The following FAM107B variants were observed in gnomAD, a reference collection of about 807,000 sequenced individuals.
FAM107B encodes protein FAM107B.
In FAM107B, 21 loss-of-function variants were observed where a neutral mutation model predicts 31.5. The ratio of observed to expected loss-of-function variants is 0.67; its 90% CI spans 0.47 to 0.96. The LOEUF is 0.96. Among genes scored for constraint, FAM107B ranks in the 40% least tolerant of loss-of-function variants. The probability of loss-of-function intolerance (pLI) is 0.00; values close to 1 mark genes in which losing one functional copy is unlikely to be tolerated. For missense variants in FAM107B, 452 were observed against 377.1 expected (o/e 1.20, Z -1.64); for synonymous variants, 157 against 141.5 (o/e 1.11, Z -0.78).
intron 1 of FAM107B, among the ~76,000 whole-genome samples, chr10:14,695,125 A>T (rs1325966388): frequency 1.3e-5 from 2 of 152,168 alleles, no homozygotes; most frequent in African/African-American, 4.8e-5. Context: ...GGAATTTTAC[A>T]GTTCCAGGTC....
rs1313642435 is a variant in FAM107B at position 14,629,345 on chromosome 10, TTA to T, written c.469+38287_469+38288del. On this transcript the variant is annotated intron_variant, in intron 2 of 4. Coordinates refer to ENST00000181796, the MANE Select transcript of FAM107B (RefSeq NM_031453.4). ...TATAAATTATATAAATATATGTAAT[TTA>T]TATATATAATATATATTATATATTT... Among the ~76,000 whole-genome samples, 761 of 104,056 alleles carry T rather than the reference TTA, an allele frequency of 7.3e-3. 1 individual carries two copies. Among genetic ancestry groups the T allele is most frequent in the Non-Finnish European group, 9.9e-3 (543 of 54,576 alleles). 68.3% of individuals were successfully genotyped at this position (104,056 alleles called of 152,430 possible).
intron 1 of FAM107B, among the ~76,000 whole-genome samples, chr10:14,773,893 G>C (rs1367621564): frequency 6.6e-6 from 1 of 152,076 alleles, no homozygotes; most frequent in Non-Finnish European, 1.5e-5. Flanking sequence ...TAAATTGACA[G>C]ACCGGTGGGG....
intron 1 of FAM107B, among the ~76,000 whole-genome samples, chr10:14,761,083 A>C (rs1833037400): frequency 6.6e-6 from 1 of 151,998 alleles, no homozygotes; most frequent in African/African-American, 2.4e-5. Flanking sequence ...GAAAAAAGTA[A>C]TTAATTTAAT....
At chr10:14,742,657 A>C (rs910995956) in intron 1 of FAM107B, among the ~76,000 whole-genome samples, 1 of 152,182 alleles carries the variant, frequency 6.6e-6, no homozygotes, top group Non-Finnish European at 1.5e-5. Flanking sequence ...GATTGCATGC[A>C]TTCAAAGACC....
At chr10:14,565,976 G>C (rs1850631931) in intron 2 of FAM107B, among the ~76,000 whole-genome samples, 1 of 152,216 alleles carries the variant, frequency 6.6e-6, no homozygotes. Context: ...CGGACCTAAG[G>C]CCTCTCTGCA....
intron 1 of FAM107B, among the ~76,000 whole-genome samples, chr10:14,699,069 A>G (rs1855334201): frequency 6.6e-6 from 1 of 152,146 alleles, no homozygotes; most frequent in African/African-American, 2.4e-5. Flanking sequence ...GGGCAGGGGT[A>G]CACTGAAAAC....
intron 2 of FAM107B, among the ~76,000 whole-genome samples, chr10:14,650,590 G>A (rs533940834): frequency 1.2e-4 from 18 of 152,276 alleles, no homozygotes; most frequent in African/African-American, 3.1e-4. Context: ...CCGGCCTCTC[G>A]ATACTTATTT....
At chr10:14,692,715 G>C (rs1855169857) in intron 1 of FAM107B, among the ~76,000 whole-genome samples, 1 of 152,138 alleles carries the variant, frequency 6.6e-6, no homozygotes, top group Non-Finnish European at 1.5e-5. Flanking sequence ...GTATGCAATT[G>C]ATCAACAAAG....
chr10:14,687,211 C>T (rs1294954896), intron 1 of FAM107B, among the ~76,000 whole-genome samples: 4 of 152,194 alleles, frequency 2.6e-5, no homozygotes, highest in East Asian at 1.9e-4. Context: ...GACACATGTT[C>T]CCGTACAACA....
At chr10:14,531,539 GAA>G (rs59782461) in intron 2 of FAM107B, among the ~76,000 whole-genome samples, 67,653 of 120,254 alleles carry the variant, frequency 0.56, 16,543 homozygotes, top group Admixed American at 0.61. Context: ...TAAAAGAAAA[GAA>G]AAAAAAAAAA....
intron 2 of FAM107B, among the ~76,000 whole-genome samples, chr10:14,571,243 C>T (rs183735187): frequency 1.3e-5 from 2 of 152,252 alleles, no homozygotes; most frequent in African/African-American, 2.4e-5. Context: ...AAAACCATAA[C>T]ATAAGGGGTT....
intron 1 of FAM107B, among the ~76,000 whole-genome samples, chr10:14,715,554 G>A (rs1403923890): frequency 1.3e-5 from 2 of 152,174 alleles, no homozygotes; most frequent in Non-Finnish European, 2.9e-5. Context: ...ATGATTTCTG[G>A]CCATGTCTGT....
intron 2 of FAM107B, among the ~76,000 whole-genome samples, chr10:14,606,282 CCTCT>C (rs896484928): frequency 6.6e-6 from 1 of 152,140 alleles, no homozygotes; most frequent in Non-Finnish European, 1.5e-5. Flanking sequence ...GAGCTCCTCT[CCTCT>C]CTGAGAATCA....
At chr10:14,625,492 T>C (rs1853136542) in intron 2 of FAM107B, among the ~76,000 whole-genome samples, 1 of 152,036 alleles carries the variant, frequency 6.6e-6, no homozygotes, top group African/African-American at 2.4e-5. Flanking sequence ...CAGCCATGAG[T>C]ACAACTGTCC....
chr10:14,710,429 A>ACT (rs1855615753), intron 1 of FAM107B, among the ~76,000 whole-genome samples: 2 of 102,854 alleles, frequency 1.9e-5, no homozygotes, highest in Non-Finnish European at 3.7e-5. Context: ...TGTCTCTAAA[A>ACT]ATACACACAC....
At chr10:14,636,618 A>G (rs905183318) in intron 2 of FAM107B, among the ~76,000 whole-genome samples, 1 of 151,924 alleles carries the variant, frequency 6.6e-6, no homozygotes, top group Non-Finnish European at 1.5e-5. Flanking sequence ...TAACTTAATC[A>G]CTTCTCTAAA....
intron 1 of FAM107B, among the ~76,000 whole-genome samples, chr10:14,725,619 C>CAA (rs10637031): frequency 1.3e-5 from 2 of 150,506 alleles, no homozygotes; most frequent in African/African-American, 4.9e-5. Flanking sequence ...GAGAGACAGA[C>CAA]AGAGAGAGAG....
intron 2 of FAM107B, among the ~76,000 whole-genome samples, chr10:14,626,499 C>A: frequency 1.8e-5 from 2 of 109,040 alleles, no homozygotes; most frequent in South Asian, 6.8e-4. Flanking sequence ...TGAGGCGGAT[C>A]TTTTTTTTCT....
At chr10:14,714,091 C>T (rs1240584476) in intron 1 of FAM107B, among the ~76,000 whole-genome samples, 2 of 152,182 alleles carry the variant, frequency 1.3e-5, no homozygotes, top group Non-Finnish European at 2.9e-5. Context: ...TAGACTTATT[C>T]CCTAGATGAC....
Sources: allele counts gnomAD v4.1 joint callset (sites outside exome capture counted in the v4.1 genomes callset), GRCh38; gene constraint gnomAD v4.1.1; transcripts MANE v1.5; gene names NCBI Gene and HGNC (gene_info 2026-07-23, HGNC 2026-07-21).